PLCZ1: variants seen among roughly 807,000 people sequenced by gnomAD.
PLCZ1 encodes the protein phospholipase C zeta 1.
PLCZ1 carries 64 observed loss-of-function variants against 76.8 expected under a neutral mutation model. The ratio of observed to expected loss-of-function variants is 0.83; its 90% CI spans 0.68 to 1.03. PLCZ1 has a LOEUF of 1.03. Ranked by LOEUF, PLCZ1 falls within the 50% of genes least tolerant of loss-of-function variation. PLCZ1 has a pLI of 0.00. For synonymous variants in PLCZ1, 248 were observed against 230.8 expected (o/e 1.07, Z -0.68); for missense variants, 751 against 713.7 (o/e 1.05, Z -0.60).
intron 13 of PLCZ1, 79 bp from the exon 14 acceptor site, chr12:18,684,358 CTT>C: frequency 1.4e-6 from 2 of 1,402,766 alleles, no homozygotes; most frequent in Non-Finnish European, 2.0e-6. Flanking sequence ...GTTCTCCAAA[CTT>C]TTTCTTTTCA....
chr12:18,651,078 T>C, the PLCZ1 span, among the ~76,000 whole-genome samples: 1 of 152,076 alleles, frequency 6.6e-6, no homozygotes, highest in African/African-American at 2.4e-5. Flanking sequence ...TGATCTGACC[T>C]CCCATCCTCA....
the PLCZ1 span, among the ~76,000 whole-genome samples, chr12:18,650,661 T>TC: frequency 1.1e-5 from 1 of 89,886 alleles, no homozygotes; most frequent in African/African-American, 3.8e-5. Flanking sequence ...AACTGGAATA[T>TC]AAATGTGTGT....
intron 12 of PLCZ1, among the ~76,000 whole-genome samples, chr12:18,689,554 C>T (rs1456246533): frequency 1.3e-5 from 2 of 152,032 alleles, no homozygotes; most frequent in South Asian, 2.1e-4. Flanking sequence ...ATTGGACACC[C>T]CTGGTTTAGG....
At chr12:18,684,326 T>A (rs1202963198) in intron 13 of PLCZ1, 47 bp from the exon 14 acceptor site, 1 of 1,518,790 alleles carries the variant, frequency 6.6e-7, no homozygotes, top group East Asian at 2.3e-5. Context: ...ATACCATATC[T>A]AGGAAAAAAT....
intron 6 of PLCZ1, 21 bp from the exon 7 acceptor site, chr12:18,705,336 A>G: frequency 1.2e-6 from 2 of 1,613,662 alleles, no homozygotes; most frequent in Non-Finnish European, 1.7e-6. Context: ...AACCATTACT[A>G]TGGTTATTCA....
chr12:18,647,949 T>C, the PLCZ1 span: 14 of 1,601,846 alleles, frequency 8.7e-6, no homozygotes, highest in Non-Finnish European at 1.2e-5. Context: ...ACTGTATTTG[T>C]GGGAGCAATT....
chr12:18,737,086 G>A (rs181357756), intron 2 of PLCZ1, among the ~76,000 whole-genome samples: 1 of 152,212 alleles, frequency 6.6e-6, no homozygotes, highest in Admixed American at 6.6e-5. Flanking sequence ...TAAAAATTGT[G>A]CAAAACTACT....
At chr12:18,679,594 G>A (rs545430203), downstream of PLCZ1, among the ~76,000 whole-genome samples, 2 of 151,776 alleles carry the variant, frequency 1.3e-5, no homozygotes, top group East Asian at 1.9e-4. Flanking sequence ...CAATGTTTCC[G>A]AGCCTGTGTC....
intron 3 of PLCZ1, among the ~76,000 whole-genome samples, chr12:18,735,415 T>C (rs1592305175): frequency 6.6e-6 from 1 of 152,168 alleles, no homozygotes; most frequent in African/African-American, 2.4e-5. Context: ...TGATTACTGA[T>C]TAAGTCTCCA....
chr12:18,720,586 G>A (rs758908254), intron 4 of PLCZ1, among the ~76,000 whole-genome samples: 8 of 151,496 alleles, frequency 5.3e-5, no homozygotes, highest in Non-Finnish European at 1.0e-4. Context: ...GGTAATAATA[G>A]GATCTACCCT....
the PLCZ1 span, among the ~76,000 whole-genome samples, chr12:18,652,920 AT>A: frequency 6.6e-6 from 1 of 151,848 alleles, no homozygotes; most frequent in Non-Finnish European, 1.5e-5. Context: ...GAATATACAT[AT>A]TCTGTCTCAC....
the PLCZ1 span, among the ~76,000 whole-genome samples, chr12:18,657,869 G>A: frequency 6.6e-6 from 1 of 151,966 alleles, no homozygotes; most frequent in Admixed American, 6.6e-5. Flanking sequence ...CTCATCTATT[G>A]GACTTACTAG....
intron 5 of PLCZ1, among the ~76,000 whole-genome samples, chr12:18,716,803 A>G (rs923871333): frequency 1.4e-4 from 22 of 152,182 alleles, no homozygotes; most frequent in African/African-American, 4.8e-4. Flanking sequence ...AGATTGTGTA[A>G]TGTTACTATT....
chr12:18,692,829 C>A, intron 12 of PLCZ1: 3 of 1,574,280 alleles, frequency 1.9e-6, no homozygotes, highest in South Asian at 2.2e-5. Context: ...GCTCTAACAA[C>A]TCAAGGACAA....
chr12:18,654,386 G>A, the PLCZ1 span, among the ~76,000 whole-genome samples: 1 of 150,884 alleles, frequency 6.6e-6, no homozygotes, highest in East Asian at 1.9e-4. Context: ...AATCACACTT[G>A]CTTTTTAAAA....
Position 18,699,763 on chromosome 12 carries a change from C to G in PLCZ1, c.1174+31G>C, listed in dbSNP as rs946735342. 4 of 1,591,448 alleles carry G rather than the reference C, an allele frequency of 2.5e-6. No individual in the cohort carries two copies. In the African/African-American group the frequency reaches 5.4e-5, roughly 21 times the overall value. The stretch of plus-strand genomic sequence containing the variant: ...TAGCAGTGAATCTAACTCATTTAAA[C>G]ATTTCATCTATTTGAGTCACAAAAA... On this transcript the variant is annotated intron_variant, in intron 10 of 14. Transcript: ENST00000266505.
intron 2 of PLCZ1, among the ~76,000 whole-genome samples, 157 bp from the exon 3 acceptor site, chr12:18,736,501 C>CA (rs996426677): frequency 2.2e-4 from 34 of 151,368 alleles, no homozygotes; most frequent in African/African-American, 8.0e-4. Flanking sequence ...TTTTAAAAAA[C>CA]AAAATTAAGT....
chr12:18,698,428 A>T (rs571030877), intron 10 of PLCZ1, among the ~76,000 whole-genome samples: 1 of 152,232 alleles, frequency 6.6e-6, no homozygotes, highest in South Asian at 2.1e-4. Context: ...GCCTTTAAAA[A>T]ATCCAGGATC....
At chr12:18,699,016 C>T (rs1955515801) in intron 10 of PLCZ1, among the ~76,000 whole-genome samples, 1 of 152,148 alleles carries the variant, frequency 6.6e-6, no homozygotes, top group Admixed American at 6.5e-5. Context: ...TTGGGACATT[C>T]CCCACATAAT....
Sources: gnomAD v4.1 joint callset for allele counts (sites outside exome capture counted in the v4.1 genomes callset) on GRCh38, gnomAD v4.1.1 for gene constraint, MANE v1.5 for transcripts, NCBI Gene and HGNC (gene_info 2026-07-23, HGNC 2026-07-21) for gene names.